FNDC3B: variants seen among roughly 807,000 people sequenced by gnomAD.
FNDC3B encodes the protein fibronectin type III domain-containing protein 3B.
A neutral mutation model predicts 151.5 loss-of-function variants in FNDC3B; 12 were observed. The ratio of observed to expected loss-of-function variants is 0.08; its 90% confidence interval spans 0.05 to 0.13. FNDC3B has a LOEUF of 0.13. Ranked by LOEUF, FNDC3B falls within the 10% of genes least tolerant of loss-of-function variation. FNDC3B has a pLI of 1.00. For missense variants in FNDC3B, 1,214 were observed against 1,505.3 expected, an observed-to-expected ratio of 0.81 and a Z score of 3.20; for synonymous variants, 528 against 549.0, an observed-to-expected ratio of 0.96 and a Z score of 0.54.
intron 16 of FNDC3B, among the ~76,000 whole-genome samples, chr3:172,338,939 G>A (rs1240299703): frequency 6.6e-6 from 1 of 151,722 alleles, no homozygotes; most frequent in Non-Finnish European, 1.5e-5. Flanking sequence ...GGGTTTCACC[G>A]TTTTACCCAG....
chr3:172,092,613 C>CTA (rs1026504675), intron 1 of FNDC3B, among the ~76,000 whole-genome samples: 2 of 152,174 alleles, frequency 1.3e-5, no homozygotes, highest in African/African-American at 4.8e-5. Context: ...TAAGGATTCT[C>CTA]TGTAGAGGTT....
chr3:172,330,527 T>C lies in FNDC3B; in HGVS notation c.1380-14T>C. The C allele has an allele frequency of 6.2e-7, 1 of 1,602,820 alleles. No individual in the cohort carries two copies. The highest frequency in any genetic ancestry group is 8.5e-7 in the Non-Finnish European group (1 of 1,172,532). ...CATGCTTCTAACTGTGTGCCTCACT[T>C]TCTTTCTCTACAGTGGTTATAGCCA... is the stretch of plus-strand genomic sequence containing the variant. On this transcript the variant is annotated splice_polypyrimidine_tract_variant and intron_variant, in intron 12 of 25. Coordinates refer to ENST00000415807, the MANE Select transcript of FNDC3B (RefSeq NM_022763.4).
chr3:172,341,370 T>C (rs1733312885), intron 17 of FNDC3B, 139 bp downstream of exon 17: 3 of 714,068 alleles, frequency 4.2e-6, no homozygotes, highest in Middle Eastern at 3.6e-4. Flanking sequence ...AAATGAAAAA[T>C]AGAGCTTTCT....
chr3:172,179,802 G>C (rs935449859), intron 3 of FNDC3B, among the ~76,000 whole-genome samples: 52 of 139,220 alleles, frequency 3.7e-4, no homozygotes, highest in Admixed American at 8.5e-4. Context: ...AGGATCATTT[G>C]AGCCCAGATG....
intron 2 of FNDC3B, among the ~76,000 whole-genome samples, chr3:172,115,221 T>C (rs896191875): frequency 1.3e-5 from 2 of 152,162 alleles, no homozygotes; most frequent in Admixed American, 6.5e-5. Flanking sequence ...ACATTTAGCA[T>C]TGGCCTAGGT....
chr3:172,381,180 A>G, intron 25 of FNDC3B, 87 bp downstream of exon 25: 12 of 1,463,182 alleles, frequency 8.2e-6, no homozygotes, highest in Non-Finnish European at 1.1e-5. Context: ...TCAGTGAACT[A>G]TGTTTTTCTT....
At chr3:172,221,749 A>C (rs931327993) in intron 3 of FNDC3B, among the ~76,000 whole-genome samples, 4 of 152,184 alleles carry the variant, frequency 2.6e-5, no homozygotes, top group African/African-American at 9.7e-5. Flanking sequence ...AGCTTGTGTA[A>C]GAGTCTTGAG....
In FNDC3B at chr3:172,299,887, G is replaced by GT. The variant is rs577973073; in HGVS notation, c.1061+1102dup. On this transcript the variant is annotated intron_variant, in intron 9 of 25. Coordinates refer to ENST00000415807, the MANE Select transcript of FNDC3B (RefSeq NM_022763.4). ...AGAACGCTCTGCCATGATTTTCTCAGTTAAAAAAAAGGTAGTAAAGCAAGG... is the reference window on the plus strand; with the variant it reads ...AGAACGCTCTGCCATGATTTTCTCAGTTTAAAAAAAAGGTAGTAAAGCAAGG... Among the ~76,000 whole-genome samples, 197 of 151,944 alleles carry GT rather than the reference G, an allele frequency of 1.3e-3. No individual in the cohort carries two copies. The Middle Eastern group carries it at 0.014, about 10-fold the overall frequency.
intron 1 of FNDC3B, among the ~76,000 whole-genome samples, chr3:172,065,156 A>G (rs1717427619): frequency 2.6e-5 from 4 of 152,072 alleles, no homozygotes; most frequent in South Asian, 4.2e-4. Context: ...ACATGGTGAA[A>G]CCCCATCTCT....
intron 1 of FNDC3B, among the ~76,000 whole-genome samples, chr3:172,089,249 A>G (rs1718693367): frequency 6.6e-6 from 1 of 152,242 alleles, no homozygotes; most frequent in Non-Finnish European, 1.5e-5. Flanking sequence ...CAAATTAAAT[A>G]TTTGAATCAA....
At chr3:172,134,956 T>A (rs2108575971) in intron 3 of FNDC3B, among the ~76,000 whole-genome samples, 1 of 150,582 alleles carries the variant, frequency 6.6e-6, no homozygotes. Flanking sequence ...CCGTGAACAA[T>A]TAAAACCTCA....
intron 23 of FNDC3B, among the ~76,000 whole-genome samples, chr3:172,369,368 A>C (rs990607146): frequency 6.6e-6 from 1 of 152,216 alleles, no homozygotes; most frequent in African/African-American, 2.4e-5. Flanking sequence ...GGGAGATTGC[A>C]AGCTTTTCAG....
rs538473238 is a variant in FNDC3B, at chr3:172,156,383, C to T, written c.187+22837C>T. Among the ~76,000 whole-genome samples the T allele has an allele frequency of 6.8e-4, 103 of 152,324 alleles. 1 individual carries two copies. The highest frequency in any genetic ancestry group is 2.3e-3 in the African/African-American group (97 of 41,566). The stretch of plus-strand genomic sequence containing the variant: ...TGCTGTTGTTCCCACCATTAGCCAT[C>T]GGCTCCAAGTGGCCATTCCCTCTGG... On this transcript the variant is annotated intron_variant, in intron 3 of 25. Transcript: ENST00000415807.
In FNDC3B at chr3:172,347,237, T is replaced by C. The variant is rs1472856538; in HGVS notation, c.2390T>C (p.Ile797Thr). 6.2e-7 allele frequency: 1 copy of C among 1,613,906 alleles called. No homozygotes were observed. The highest frequency in any genetic ancestry group is 1.3e-5 in the African/African-American group (1 of 75,036). Residue 797 changes from isoleucine to threonine, a missense_variant, in exon 21 of 26, where the codon ATC (isoleucine) becomes ACC (threonine). Ile to Thr is a moderately conservative substitution (Grantham distance 89). Transcript: ENST00000415807. Reference protein sequence around the residue: ...WESPDSSGADISEYRLEWGED... With the variant: ...WESPDSSGADTSEYRLEWGED... Reference sequence around the variant, plus strand: ...AGTCCTGATAGTTCTGGTGCTGACATCTCAGAGTACAGGTTGGAATGGGGA... The same window carrying C: ...AGTCCTGATAGTTCTGGTGCTGACACCTCAGAGTACAGGTTGGAATGGGGA...
intron 25 of FNDC3B, among the ~76,000 whole-genome samples, chr3:172,395,248 T>C (rs1361768595): frequency 6.6e-6 from 1 of 152,048 alleles, no homozygotes; most frequent in Non-Finnish European, 1.5e-5. Flanking sequence ...TTTTTTTCTT[T>C]GTCTGTCCAT....
chr3:172,158,381 C>T (rs1053468715), intron 3 of FNDC3B, among the ~76,000 whole-genome samples: 1 of 152,156 alleles, frequency 6.6e-6, no homozygotes. Flanking sequence ...GTCACTGTGG[C>T]CTTGATTTAC....
In FNDC3B at chr3:172,310,842, C is replaced by T. The variant is rs774885497; in HGVS notation, c.1215C>T (p.Asn405=). ...ATTTTTTTTAGGCACCAATTGACAA[C>T]GGTTCAAAAATCACCAACTACCTTT... ...LTLQWKAPID[N]GSKITNYLLE... is the part of the protein sequence containing the mutation. The change falls in exon 11 of 26, where the codon AAC becomes AAT. Residue 405 remains asparagine, a synonymous_variant. Coordinates refer to ENST00000415807, the MANE Select transcript of FNDC3B (RefSeq NM_022763.4). 3.2e-5 allele frequency: 52 copies of T among 1,611,614 alleles called. No homozygotes were observed. The Middle Eastern group carries it at 8.2e-4, about 25-fold the overall frequency.
At chr3:172,298,450 A>G (rs1216302806) in intron 8 of FNDC3B, among the ~76,000 whole-genome samples, 1 of 152,212 alleles carries the variant, frequency 6.6e-6, no homozygotes, top group African/African-American at 2.4e-5. Flanking sequence ...AGTTACTTAT[A>G]TGTATTTACT....
intron 3 of FNDC3B, among the ~76,000 whole-genome samples, chr3:172,138,392 T>G (rs1304754222): frequency 1.3e-5 from 2 of 152,204 alleles, no homozygotes; most frequent in African/African-American, 4.8e-5. Context: ...TCTTTTAAAT[T>G]TTACTCTTCT....
Sources: gnomAD v4.1 joint callset for allele counts (sites outside exome capture counted in the v4.1 genomes callset) on GRCh38, gnomAD v4.1.1 for gene constraint, MANE v1.5 for transcripts, NCBI Gene and HGNC (gene_info 2026-07-23, HGNC 2026-07-21) for gene names.